The following DSG3 variants were observed in gnomAD, a reference collection of about 807,000 sequenced individuals.
The protein encoded by DSG3 is desmoglein-3.
Under a neutral mutation model 85.9 loss-of-function variants are expected in DSG3, and 63 were observed. The ratio of observed to expected loss-of-function variants is 0.73; its 90% CI spans 0.60 to 0.90. DSG3 has a LOEUF of 0.90. Ranked by LOEUF, DSG3 falls within the 40% of genes least tolerant of loss-of-function variation. DSG3 has a pLI of 0.00. For missense variants in DSG3, 1,220 were observed against 1,219.9 expected, an observed-to-expected ratio of 1.00 and a Z score of 0.00; for synonymous variants, 447 against 441.9, an observed-to-expected ratio of 1.01 and a Z score of -0.14.
intron 14 of DSG3, among the ~76,000 whole-genome samples, chr18:31,473,440 A>AT (rs1320183757): frequency 7.2e-5 from 11 of 152,224 alleles, no homozygotes; most frequent in Admixed American, 6.5e-4. Context: ...ATAATACTTA[A>AT]TGCCTAATAT....
chr18:31,472,502 CAAAG>C, intron 13 of DSG3, 79 bp downstream of exon 13: 1 of 1,501,566 alleles, frequency 6.7e-7, no homozygotes, highest in South Asian at 1.3e-5. Flanking sequence ...GGAAAAGAGG[CAAAG>C]AGATTTCTTG....
chr18:31,474,144 A>G lies in DSG3; in HGVS notation c.2125A>G (p.Arg709Gly). Residue 709 changes from arginine to glycine, a missense_variant, in exon 15 of 16, where the codon AGA becomes GGA. Physicochemically the swap from Arg to Gly is moderately radical, Grantham distance 125. Coordinates refer to ENST00000257189, the MANE Select transcript of DSG3 (RefSeq NM_001944.3). ...AGAAGTTTGTACAAATACGTATGCC[A>G]GAGGCACAGCGGTGGAAGGCACTTC... is the stretch of plus-strand genomic sequence containing the variant. ...SSEVCTNTYA[R>G]GTAVEGTSGM... 1 of 1,613,544 alleles carries G rather than the reference A, an allele frequency of 6.2e-7. No individual in the cohort carries two copies. The highest frequency in any genetic ancestry group is 1.1e-5 in the South Asian group (1 of 91,078).
rs1391342403 is a variant in DSG3, at chr18:31,475,925, G to A, written c.2665G>A (p.Glu889Lys). Residue 889 changes from glutamate to lysine, a missense_variant, in exon 16 of 16, where the codon GAA (glutamate) becomes AAA (lysine). Glu to Lys is a moderately conservative substitution (Grantham distance 56). Coordinates refer to ENST00000257189, the MANE Select transcript of DSG3 (RefSeq NM_001944.3). ...YGIESCGHPI[E>K]VQQTGFVKCQ... ...GATTGAATCCTGTGGCCATCCCATA[G>A]AAGTCCAGCAGACAGGATTTGTTAA... is the stretch of plus-strand genomic sequence containing the variant. The A allele has an allele frequency of 6.2e-7, 1 of 1,614,224 alleles. No individual in the cohort carries two copies. The highest frequency in any genetic ancestry group is 8.5e-7 in the Non-Finnish European group (1 of 1,180,040).
At chr18:31,456,725 A>G (rs1457815281) in intron 2 of DSG3, among the ~76,000 whole-genome samples, 1 of 152,114 alleles carries the variant, frequency 6.6e-6, no homozygotes, top group Non-Finnish European at 1.5e-5. Context: ...GTCAAACCCT[A>G]TGGGCCCAGT....
rs572723386 is a variant in DSG3 at position 31,451,870 on chromosome 18, T to C, written c.48+3945T>C. On this transcript the variant is annotated intron_variant, in intron 1 of 15. Transcript: ENST00000257189. ...ACCTTTTAGCCTTTGGCTCTTTCTGTCCACTTAAGAGTCAAGCTGGTAGCC... is the reference window on the plus strand; with the variant it reads ...ACCTTTTAGCCTTTGGCTCTTTCTGCCCACTTAAGAGTCAAGCTGGTAGCC... Among the ~76,000 whole-genome samples the C allele has an allele frequency of 1.7e-4, 26 of 152,336 alleles. No individual in the cohort carries two copies. The East Asian group carries it at 5.0e-3, about 29-fold the overall frequency.
chr18:31,461,498 T>A, intron 8 of DSG3, 86 bp downstream of exon 8: 1 of 1,229,586 alleles, frequency 8.1e-7, no homozygotes, highest in Non-Finnish European at 1.2e-6. Flanking sequence ...ATTTATTTGT[T>A]AATATCACTT....
chr18:31,476,147 G>A lies in DSG3; in HGVS notation c.2887G>A (p.Glu963Lys), dbSNP rs753946380. ...TCTCACACAAAATGTGATAGTGACA[G>A]AAAGGGTGATCTGTCCCATTTCCAG... ...PLLTQNVIVTERVICPISSVP... is the reference protein window; with the variant it reads ...PLLTQNVIVTKRVICPISSVP... The change falls in exon 16 of 16, where the codon GAA becomes AAA. Residue 963 changes from glutamate (E) to lysine (K), a missense_variant. Transcript: ENST00000257189. 6.2e-7 allele frequency: 1 copy of A among 1,614,222 alleles called. No homozygotes were observed. The highest frequency in any genetic ancestry group is 1.1e-5 in the South Asian group (1 of 91,084).
chr18:31,466,069 AT>A (rs1243892454), intron 10 of DSG3, among the ~76,000 whole-genome samples: 1 of 152,148 alleles, frequency 6.6e-6, no homozygotes, highest in East Asian at 1.9e-4. Flanking sequence ...TTATTTCATT[AT>A]TTTTTATTTT....
chr18:31,459,278 T>G, intron 5 of DSG3, 101 bp downstream of exon 5: 1 of 1,150,356 alleles, frequency 8.7e-7, no homozygotes, highest in Non-Finnish European at 1.2e-6. Context: ...GCTCTTAGTT[T>G]AATCAGTAGT....
At chr18:31,448,767 T>A (rs1433848204) in intron 1 of DSG3, among the ~76,000 whole-genome samples, 1 of 152,112 alleles carries the variant, frequency 6.6e-6, no homozygotes, top group Non-Finnish European at 1.5e-5. Flanking sequence ...ATTTGTATGG[T>A]TTCCATGATA....
chr18:31,456,854 C>A, intron 2 of DSG3, 139 bp from the exon 3 acceptor site: 1 of 725,226 alleles, frequency 1.4e-6, no homozygotes, highest in Non-Finnish European at 2.2e-6. Context: ...GACAAAGTAT[C>A]AGGTAGAGCT....
At position 31,476,106 on chromosome 18, in the gene DSG3, C is replaced by A; in HGVS notation, c.2846C>A (p.Ala949Glu). 4 of 1,614,194 alleles carry A rather than the reference C, an allele frequency of 2.5e-6. No individual in the cohort carries two copies. Among genetic ancestry groups the A allele is most frequent in the Non-Finnish European group, 3.4e-6 (4 of 1,180,028 alleles). The change falls in exon 16 of 16, where the codon GCA becomes GAA. Residue 949 changes from alanine to glutamate, a missense_variant. Transcript: ENST00000257189. The part of the protein sequence containing the change: ...ASGSLVQPST[A>E]GFDPLLTQNV... ...GGTTCCCTCGTGCAACCTTCCACTG[C>A]AGGCTTTGATCCACTTCTCACACAA... is the stretch of plus-strand genomic sequence containing the variant.
chr18:31,447,902 A>G lies in DSG3; in HGVS notation c.25A>G (p.Thr9Ala), dbSNP rs925050650. 39 of 1,590,526 alleles carry G rather than the reference A, an allele frequency of 2.5e-5. No homozygotes were observed. Among genetic ancestry groups the G allele is most frequent in the Middle Eastern group, 1.7e-4 (1 of 5,988 alleles). Residue 9 changes from threonine to alanine, a missense_variant, in exon 1 of 16, where the codon ACA becomes GCA. Coordinates refer to ENST00000257189, the MANE Select transcript of DSG3 (RefSeq NM_001944.3). ...AATGATGGGGCTCTTCCCCAGAACTACAGGGGCTCTGGCCATCTTCGTGGT... is the reference window on the plus strand; with the variant it reads ...AATGATGGGGCTCTTCCCCAGAACTGCAGGGGCTCTGGCCATCTTCGTGGT... MMGLFPRT[T>A]GALAIFVVVI...
intron 1 of DSG3, among the ~76,000 whole-genome samples, chr18:31,456,113 G>A (rs929853622): frequency 2.0e-5 from 3 of 152,146 alleles, no homozygotes; most frequent in Admixed American, 6.6e-5. Flanking sequence ...TTCCAGGAAC[G>A]GTGTATAAAG....
chr18:31,475,096 G>T (rs999520846), intron 15 of DSG3, among the ~76,000 whole-genome samples: 9 of 152,170 alleles, frequency 5.9e-5, no homozygotes, highest in African/African-American at 2.2e-4. Flanking sequence ...GGAATGACAT[G>T]TCAGGAAGCA....
rs374567304 is a variant in DSG3, at chr18:31,464,432, T to C, written c.1271+50T>C. 7.2e-6 allele frequency: 11 copies of C among 1,536,362 alleles called. No individual in the cohort carries two copies. The African/African-American group carries it at 1.2e-4, about 17-fold the overall frequency. ...TATTTCTTGATGAGGTTTTAATCTA[T>C]AAGCTATCACAACATAACACATAAA... On this transcript the variant is annotated intron_variant, in intron 9 of 15. Transcript: ENST00000257189.
intron 4 of DSG3, 51 bp downstream of exon 4, chr18:31,458,651 C>T (rs373416924): frequency 5.8e-5 from 90 of 1,562,412 alleles, no homozygotes; most frequent in African/African-American, 1.2e-4. Context: ...TATACCATCG[C>T]TTTAGAAAGT....
In DSG3 at chr18:31,463,993, G is replaced by A; in HGVS notation, c.1000-118G>A. The A allele has an allele frequency of 5.2e-6, 5 of 954,516 alleles. No individual in the cohort carries two copies. In the South Asian group the frequency reaches 8.6e-5, roughly 16 times the overall value. 59.1% of individuals were successfully genotyped at this position (954,516 alleles called of 1,614,324 possible). ...TTACAATAATTTCTGAAGCTGTTTT[G>A]CTATTTAAAAACAAGAGAATTCATT... On this transcript the variant is annotated intron_variant, in intron 8 of 15. Transcript: ENST00000257189.
At chr18:31,459,513 G>C (rs1008724499) in intron 5 of DSG3, among the ~76,000 whole-genome samples, 1 of 152,256 alleles carries the variant, frequency 6.6e-6, no homozygotes, top group East Asian at 1.9e-4. Flanking sequence ...GGTTATAAAG[G>C]ACAGAGACAC....
Sources: gnomAD v4.1 joint callset for allele counts (sites outside exome capture counted in the v4.1 genomes callset) on GRCh38, gnomAD v4.1.1 for gene constraint, MANE v1.5 for transcripts, NCBI Gene and HGNC (gene_info 2026-07-23, HGNC 2026-07-21) for gene names.